Variants in TBCCD1 observed in about 807,000 individuals in gnomAD.
TBCCD1 encodes TBCC domain containing 1, also known as TBCC domain-containing protein 1.
TBCCD1 carries 26 observed loss-of-function variants against 53.4 expected under a neutral mutation model. The observed-to-expected ratio is 0.49, with a 90% CI of 0.36 to 0.68. TBCCD1 has a LOEUF of 0.68. Among genes scored for constraint, TBCCD1 ranks in the 30% least tolerant of loss-of-function variants. The pLI is 0.00. For missense variants in TBCCD1, 558 were observed against 669.5 expected (o/e 0.83, Z 1.84); for synonymous variants, 245 against 241.7 (o/e 1.01, Z -0.13).
intron 2 of TBCCD1, among the ~76,000 whole-genome samples, chr3:186,560,015 T>C (rs1191052735): frequency 6.6e-6 from 1 of 152,224 alleles, no homozygotes; most frequent in African/African-American, 2.4e-5. Flanking sequence ...ATTAGGTAAA[T>C]AGAATCATAT....
At chr3:186,558,370 A>T in intron 3 of TBCCD1, 47 bp downstream of exon 3, 8 of 1,573,134 alleles carry the variant, frequency 5.1e-6, no homozygotes, top group Middle Eastern at 2.0e-4. Context: ...ACCATCTCCC[A>T]CACAAATTGT....
In TBCCD1 at chr3:186,555,114, G is replaced by A. The variant is rs73057411; in HGVS notation, c.860-30C>T. 13,963 of 1,562,228 alleles carry A rather than the reference G, an allele frequency of 8.9e-3. 1,030 individuals carry two copies. In the African/African-American group the frequency reaches 0.16, roughly 18 times the overall value. On this transcript the variant is annotated intron_variant, in intron 4 of 7. Transcript: ENST00000338733. ...TTAAGAAAACATATAAATAGATGAG[G>A]CAGTATCAAATCAAAGAAAAACAAA...
intron 3 of TBCCD1, 143 bp from the exon 4 acceptor site, chr3:186,556,918 C>A (rs1044934089): frequency 8.5e-6 from 9 of 1,063,550 alleles, no homozygotes; most frequent in Non-Finnish European, 1.2e-5. Flanking sequence ...TAAAGGTGAT[C>A]CGCCCGGCTT....
intron 4 of TBCCD1, 148 bp downstream of exon 4, chr3:186,556,261 A>G: frequency 2.4e-6 from 2 of 839,080 alleles, no homozygotes; most frequent in Non-Finnish European, 3.5e-6. Context: ...AAAGTCATGC[A>G]CAAAAGACAG....
chr3:186,551,077 T>C, intron 7 of TBCCD1, 52 bp downstream of exon 7: 1 of 1,560,468 alleles, frequency 6.4e-7, no homozygotes, highest in South Asian at 1.2e-5. Flanking sequence ...CTTTTTTTTA[T>C]GCTTGAAAGA....
chr3:186,548,841 G>A (rs1489929226), intron 7 of TBCCD1, among the ~76,000 whole-genome samples: 1 of 151,888 alleles, frequency 6.6e-6, no homozygotes, highest in Admixed American at 6.6e-5. Context: ...AAAAAACAAA[G>A]AGAGTAGATT....
upstream of TBCCD1, among the ~76,000 whole-genome samples, chr3:186,568,763 CATG>C (rs951156662): frequency 1.9e-4 from 29 of 152,042 alleles, no homozygotes; most frequent in South Asian, 6.2e-4. Context: ...ATTAGACGGA[CATG>C]GTGGTGTGCG....
chr3:186,561,660 G>C (rs1274101995), intron 2 of TBCCD1, among the ~76,000 whole-genome samples: 3 of 152,198 alleles, frequency 2.0e-5, no homozygotes, highest in African/African-American at 7.2e-5. Context: ...ATGGTGGTGG[G>C]TGCCTGTAGT....
intron 7 of TBCCD1, among the ~76,000 whole-genome samples, chr3:186,548,723 A>G (rs1714281799): frequency 6.6e-6 from 1 of 152,230 alleles, no homozygotes; most frequent in African/African-American, 2.4e-5. Flanking sequence ...ACAATGCCAC[A>G]TCAAACATCT....
chr3:186,555,361 C>T (rs912578185), intron 4 of TBCCD1, among the ~76,000 whole-genome samples: 10 of 152,076 alleles, frequency 6.6e-5, no homozygotes, highest in Non-Finnish European at 1.3e-4. Flanking sequence ...TTCGTGTCTA[C>T]GCTTCAAGTT....
Position 186,558,468 on chromosome 3 carries a change from T to A in TBCCD1, c.441A>T (p.Arg147Ser), listed in dbSNP as rs1435770776. 6.2e-7 allele frequency: 1 copy of A among 1,614,098 alleles called. No individual in the cohort carries two copies. Among genetic ancestry groups the A allele is most frequent in the South Asian group, 1.1e-5 (1 of 91,094 alleles). Residue 147 changes from arginine (R) to serine (S), a missense_variant, in exon 3 of 8, where the codon AGA becomes AGT. Arg to Ser is a moderately radical substitution (Grantham distance 110, BLOSUM62 -1). Coordinates refer to ENST00000338733, the MANE Select transcript of TBCCD1 (RefSeq NM_018138.5). ...SLIGEEWPSP[R>S]NKSQSPDLTE... ...TCAGGTCAGGAGACTGAGATTTGTT[T>A]CTGGGACTGGGCCACTCTTCGCCAA...
chr3:186,549,325 T>A (rs948160802), intron 7 of TBCCD1, among the ~76,000 whole-genome samples: 2 of 151,824 alleles, frequency 1.3e-5, no homozygotes. Context: ...AATTAATTGA[T>A]CCCTACATAC....
upstream of TBCCD1, chr3:186,570,075 C>T (rs1714970495): frequency 1.4e-6 from 1 of 690,414 alleles, no homozygotes. Context: ...TAGGCTCAGA[C>T]TTGGGAGGAG....
chr3:186,549,088 A>C (rs1405830567), intron 7 of TBCCD1, among the ~76,000 whole-genome samples: 1 of 151,690 alleles, frequency 6.6e-6, no homozygotes, highest in African/African-American at 2.4e-5. Context: ...GGAGTTCAAG[A>C]CCAGCCTGGG....
chr3:186,548,731 T>C (rs1239764062), intron 7 of TBCCD1, among the ~76,000 whole-genome samples: 1 of 152,148 alleles, frequency 6.6e-6, no homozygotes, highest in Non-Finnish European at 1.5e-5. Flanking sequence ...ACATCAAACA[T>C]CTTCAGTTAC....
chr3:186,549,502 T>C (rs948015910), intron 7 of TBCCD1, among the ~76,000 whole-genome samples: 15 of 152,114 alleles, frequency 9.9e-5, no homozygotes, highest in African/African-American at 3.6e-4. Flanking sequence ...TGAGACCCTG[T>C]CTCTAAAGAA....
intron 3 of TBCCD1, among the ~76,000 whole-genome samples, chr3:186,557,393 C>G (rs530000128): frequency 9.2e-5 from 14 of 151,934 alleles, no homozygotes; most frequent in Non-Finnish European, 2.1e-4. Context: ...GCTCAAAACA[C>G]CATCTCCTAA....
At position 186,564,132 on chromosome 3, in the gene TBCCD1, C is replaced by A. The variant is rs530640971; in HGVS notation, c.198G>T (p.Gln66His). The A allele has an allele frequency of 1.2e-6, 2 of 1,614,214 alleles. No individual in the cohort carries two copies. Among genetic ancestry groups the A allele is most frequent in the South Asian group, 2.2e-5 (2 of 91,088 alleles). Reference sequence around the variant, plus strand: ...AAAGCCACGCCAGGTCCTTGGCCAACTGCAGCTTCCCACAAGCGATGTGCC... The same window carrying A: ...AAAGCCACGCCAGGTCCTTGGCCAAATGCAGCTTCCCACAAGCGATGTGCC... The part of the protein sequence containing the change: ...TWRHIACGKL[Q>H]LAKDLAWLYF... The change falls in exon 2 of 8, where the codon CAG becomes CAT. Residue 66 changes from glutamine (Q) to histidine (H), a missense_variant. Physicochemically the swap from Gln to His is conservative, Grantham distance 24. Coordinates refer to ENST00000338733, the MANE Select transcript of TBCCD1 (RefSeq NM_018138.5).
Position 186,558,709 on chromosome 3 carries a change from T to G in TBCCD1, c.337-137A>C, listed in dbSNP as rs576272702. On this transcript the variant is annotated intron_variant, in intron 2 of 7. Coordinates refer to ENST00000338733, the MANE Select transcript of TBCCD1 (RefSeq NM_018138.5). ...CTTAGAAACATTGCCAGTTTTGATA[T>G]GTATGTCTCTGGTACCCAGATGTAA... 12 of 826,064 alleles carry G rather than the reference T, an allele frequency of 1.5e-5. No homozygotes were observed. The East Asian group carries it at 3.2e-4, about 22-fold the overall frequency. The allele number at this position is 826,064 out of a possible 1,614,324, so 51.2% of individuals were successfully genotyped here. A position where few individuals can be genotyped will look rare whatever the true frequency, so the allele number is the denominator to read the frequency against.
Sources: gnomAD v4.1 joint callset for allele counts (sites outside exome capture counted in the v4.1 genomes callset) on GRCh38, gnomAD v4.1.1 for gene constraint, MANE v1.5 for transcripts, NCBI Gene and HGNC (gene_info 2026-07-23, HGNC 2026-07-21) for gene names.